The following KIAA1671 variants were observed in gnomAD, a reference collection of about 807,000 sequenced individuals.
The protein encoded by KIAA1671 is KIAA1671.
KIAA1671 carries 52 observed loss-of-function variants against 131.2 expected under a neutral mutation model. The ratio of observed to expected loss-of-function variants is 0.40; its 90% CI spans 0.32 to 0.50. KIAA1671 has a LOEUF of 0.50. KIAA1671 is among the 20% of genes least tolerant of loss of function. KIAA1671 has a pLI of 0.73. For synonymous variants in KIAA1671, 1,003 were observed against 961.6 expected, an observed-to-expected ratio of 1.04 and a Z score of -0.80; for missense variants, 2,360 against 2,364.2, an observed-to-expected ratio of 1.00 and a Z score of 0.04.
At chr22:25,145,410 A>G (rs981388872) in intron 6 of KIAA1671, among the ~76,000 whole-genome samples, 6 of 152,222 alleles carry the variant, frequency 3.9e-5, no homozygotes, top group African/African-American at 1.4e-4. Flanking sequence ...GGTTTCCCCA[A>G]GGCCACACAG....
At chr22:25,119,061 A>G (rs1475758852) in intron 6 of KIAA1671, among the ~76,000 whole-genome samples, 3 of 152,080 alleles carry the variant, frequency 2.0e-5, no homozygotes, top group African/African-American at 7.2e-5. Flanking sequence ...TGACTCCTCT[A>G]CTAGGATGTA....
intron 4 of KIAA1671, among the ~76,000 whole-genome samples, chr22:25,037,178 C>T (rs997346319): frequency 2.6e-5 from 4 of 151,876 alleles, no homozygotes; most frequent in Non-Finnish European, 5.9e-5. Flanking sequence ...CAAAAATTGG[C>T]TGGGTGTAGT....
Position 25,174,359 on chromosome 22 carries a change from G to A in KIAA1671, c.4769G>A (p.Cys1590Tyr), listed in dbSNP as rs1933951544. 1 of 1,551,922 alleles carries A rather than the reference G, an allele frequency of 6.4e-7. No individual in the cohort carries two copies. Among genetic ancestry groups the A allele is most frequent in the Non-Finnish European group, 8.7e-7 (1 of 1,147,090 alleles). Residue 1590 changes from cysteine (C) to tyrosine (Y), a missense_variant, in exon 8 of 13, where the codon TGC becomes TAC. Physicochemically the swap from Cys to Tyr is radical, Grantham distance 194. This residue lies in a region of KIAA1671 where 1,161 missense variants were observed against 1,204.7 expected (regional missense o/e 0.96). Coordinates refer to ENST00000358431, the MANE Select transcript of KIAA1671 (RefSeq NM_001145206.2). ...ACCTCGGCAGGGGACCAGTATGACT[G>A]CTCCAGGGACCAGCGGAGCACCAGC... ...EPTSAGDQYD[C>Y]SRDQRSTSVD...
At chr22:25,041,563 G>A (rs1480883809) in intron 5 of KIAA1671, 38 bp downstream of exon 5, 1 of 1,483,452 alleles carries the variant, frequency 6.7e-7, no homozygotes, top group Non-Finnish European at 9.0e-7. Context: ...GTCAAACATG[G>A]TTTAAACATC....
At chr22:25,167,491 T>C (rs1933684657) in intron 6 of KIAA1671, among the ~76,000 whole-genome samples, 1 of 152,190 alleles carries the variant, frequency 6.6e-6, no homozygotes, top group South Asian at 2.1e-4. Context: ...AGTGAAATAT[T>C]CTTCAGCCAG....
intron 6 of KIAA1671, chr22:25,060,411 G>A (rs1451086703): frequency 6.6e-6 from 1 of 152,298 alleles, no homozygotes; most frequent in East Asian, 1.9e-4. Flanking sequence ...TCAAACTCCT[G>A]ACCTCATGTG....
At chr22:25,156,289 T>A (rs1933240042) in intron 6 of KIAA1671, among the ~76,000 whole-genome samples, 1 of 152,062 alleles carries the variant, frequency 6.6e-6, no homozygotes, top group Admixed American at 6.6e-5. Context: ...CTTCCCAAAG[T>A]GCTGGGATTA....
At chr22:25,037,361 T>C (rs1315585316) in intron 4 of KIAA1671, among the ~76,000 whole-genome samples, 1 of 150,574 alleles carries the variant, frequency 6.6e-6, no homozygotes, top group East Asian at 1.9e-4. Context: ...AAAAAATATA[T>C]ATGTGTATAT....
At chr22:25,026,687 G>A (rs569878044) in intron 2 of KIAA1671, among the ~76,000 whole-genome samples, 265 of 151,830 alleles carry the variant, frequency 1.7e-3, no homozygotes, top group Middle Eastern at 0.014. Flanking sequence ...CCAAGGTCGC[G>A]CCATTGCACT....
intron 9 of KIAA1671, among the ~76,000 whole-genome samples, chr22:25,179,716 A>G (rs1424709538): frequency 6.6e-6 from 1 of 152,238 alleles, no homozygotes; most frequent in Non-Finnish European, 1.5e-5. Context: ...TTGAGTTACA[A>G]GAGACAGAGA....
intron 6 of KIAA1671, among the ~76,000 whole-genome samples, chr22:25,080,745 C>T (rs1037347269): frequency 1.3e-5 from 2 of 152,222 alleles, no homozygotes; most frequent in Admixed American, 1.3e-4. Flanking sequence ...CTGTTATGGC[C>T]CCTCCAAGCA....
chr22:25,041,371 C>G lies in KIAA1671; in HGVS notation c.4241C>G (p.Pro1414Arg). ...AAGAGGGCCTACTCAGAGAAGGGGC[C>G]CCCTGCCAACATCCGAGAGGGCCTG... Reference protein sequence around the residue: ...DIKRAYSEKGPPANIREGLSI... With the variant: ...DIKRAYSEKGRPANIREGLSI... The change falls in exon 5 of 13, where the codon CCC becomes CGC. Residue 1414 changes from proline to arginine, a missense_variant. Physicochemically the swap from Pro to Arg is moderately radical, Grantham distance 103. This residue lies in a region of KIAA1671 where 1,161 missense variants were observed against 1,204.7 expected (regional missense o/e 0.96). Transcript: ENST00000358431. 1 of 1,551,682 alleles carries G rather than the reference C, an allele frequency of 6.4e-7. No homozygotes were observed. The highest frequency in any genetic ancestry group is 2.4e-5 in the East Asian group (1 of 40,906).
intron 1 of KIAA1671, among the ~76,000 whole-genome samples, chr22:24,961,415 T>C (rs1922009398): frequency 6.6e-6 from 1 of 152,248 alleles, no homozygotes. Context: ...TCTGTGATCA[T>C]ACTGTGTAAC....
At chr22:25,093,748 C>CTCTCTCTCTG (rs1930185830) in intron 6 of KIAA1671, among the ~76,000 whole-genome samples, 10 of 111,414 alleles carry the variant, frequency 9.0e-5, no homozygotes, top group Admixed American at 1.7e-4. Context: ...CTCTCTCTCT[C>CTCTCTCTCTG]TCTCTCTCTC....
chr22:24,983,141 G>C (rs1923319240), intron 1 of KIAA1671, among the ~76,000 whole-genome samples: 1 of 152,184 alleles, frequency 6.6e-6, no homozygotes, highest in Admixed American at 6.5e-5. Flanking sequence ...AGGATGCTTT[G>C]AAGAAAATGG....
intron 6 of KIAA1671, among the ~76,000 whole-genome samples, chr22:25,148,745 G>C (rs1932941908): frequency 8.6e-6 from 1 of 116,492 alleles, no homozygotes; most frequent in Admixed American, 7.6e-5. Context: ...CTCAGCTGAG[G>C]TTTCTCACCC....
intron 6 of KIAA1671, among the ~76,000 whole-genome samples, chr22:25,164,945 C>CG (rs1359083600): frequency 1.8e-4 from 8 of 44,202 alleles, no homozygotes; most frequent in East Asian, 1.1e-3. Flanking sequence ...GAGACTGTCT[C>CG]GGGAAAAAAA....
At chr22:25,161,232 C>A (rs1376867126) in intron 6 of KIAA1671, among the ~76,000 whole-genome samples, 2 of 152,226 alleles carry the variant, frequency 1.3e-5, no homozygotes, top group Admixed American at 1.3e-4. Flanking sequence ...AAACAGCGAC[C>A]CCCTTGGAGA....
At position 25,028,466 on chromosome 22, in the gene KIAA1671, T is replaced by C. The variant is rs1261012268; in HGVS notation, c.467T>C (p.Leu156Pro). 5 of 1,550,168 alleles carry C rather than the reference T, an allele frequency of 3.2e-6. No individual in the cohort carries two copies. The Admixed American group carries it at 9.8e-5, about 30-fold the overall frequency. ...GAAACCACCAAAAGCGGCCCCGCTCTGGGGAAGGCGGTTAGTGAGGGGGCG... is the reference window on the plus strand; with the variant it reads ...GAAACCACCAAAAGCGGCCCCGCTCCGGGGAAGGCGGTTAGTGAGGGGGCG... ...LFETTKSGPA[L>P]GKAVSEGAEE... is the part of the protein sequence containing the mutation. The change falls in exon 3 of 13, where the codon CTG (leucine) becomes CCG (proline). Residue 156 changes from leucine (L) to proline (P), a missense_variant. Around this residue, in one of 3 missense-constraint regions of KIAA1671, gnomAD observed 1,185 missense variants for 1,126.2 expected, o/e 1.05. Coordinates refer to ENST00000358431, the MANE Select transcript of KIAA1671 (RefSeq NM_001145206.2).
Sources: allele counts gnomAD v4.1 joint callset (sites outside exome capture counted in the v4.1 genomes callset), GRCh38; gene constraint gnomAD v4.1.1; regional missense constraint gnomAD v4.1.1; transcripts MANE v1.5; gene names NCBI Gene and HGNC (gene_info 2026-07-23, HGNC 2026-07-21).